SH3GL2: variants seen among roughly 807,000 people sequenced by gnomAD.
SH3GL2 encodes the protein endophilin-A1.
A neutral mutation model predicts 46.0 loss-of-function variants in SH3GL2; 24 were observed. That is an observed-to-expected ratio of 0.52 (90% CI 0.38 to 0.73). The LOEUF (loss-of-function observed/expected upper bound fraction) is 0.73. SH3GL2 is among the 30% of genes least tolerant of loss of function. SH3GL2 has a pLI of 0.00. For missense variants in SH3GL2, 413 were observed against 424.2 expected (o/e 0.97, Z 0.23); for synonymous variants, 196 against 147.1 (o/e 1.33, Z -2.40).
rs1201160750 is a variant in SH3GL2, at chr9:17,789,481, A to G, written c.555A>G (p.Gln185=). The change falls in exon 6 of 9, where the codon CAA becomes CAG. Residue 185 remains glutamine (Q), a synonymous_variant. Coordinates refer to ENST00000380607, the MANE Select transcript of SH3GL2 (RefSeq NM_003026.5). The part of the protein sequence containing the change: ...QGKIPDEELR[Q]ALEKFDESKE... ...AGATTCCGGATGAAGAGCTTCGTCA[A>G]GCTCTAGAGAAATTTGATGAGTCTA... The G allele has an allele frequency of 1.9e-6, 3 of 1,613,422 alleles. No individual in the cohort carries two copies. Among genetic ancestry groups the G allele is most frequent in the Non-Finnish European group, 2.5e-6 (3 of 1,179,610 alleles).
At chr9:17,685,796 C>A (rs1820889712) in intron 1 of SH3GL2, among the ~76,000 whole-genome samples, 1 of 151,940 alleles carries the variant, frequency 6.6e-6, no homozygotes, top group South Asian at 2.1e-4. Context: ...TGTTCTGTTC[C>A]ATTGATCTAT....
chr9:17,744,869 A>C (rs1482451889), intron 1 of SH3GL2, among the ~76,000 whole-genome samples: 2 of 152,126 alleles, frequency 1.3e-5, no homozygotes, highest in African/African-American at 4.8e-5. Flanking sequence ...AGTCAGCATC[A>C]CTCAGGGCAC....
intron 1 of SH3GL2, among the ~76,000 whole-genome samples, chr9:17,629,875 A>G (rs1486965848): frequency 6.6e-6 from 1 of 151,940 alleles, no homozygotes; most frequent in African/African-American, 2.4e-5. Context: ...TTCAGCAACT[A>G]TTTTTTTCTG....
intron 1 of SH3GL2, among the ~76,000 whole-genome samples, chr9:17,737,644 T>C (rs1340937272): frequency 1.3e-5 from 2 of 152,182 alleles, no homozygotes; most frequent in African/African-American, 2.4e-5. Flanking sequence ...TTGACTGTTA[T>C]GACCTCTTTC....
intron 1 of SH3GL2, among the ~76,000 whole-genome samples, chr9:17,592,438 A>T (rs1301329962): frequency 2.0e-5 from 3 of 152,224 alleles, no homozygotes; most frequent in Admixed American, 6.5e-5. Context: ...TTAATTTAAA[A>T]CTGAATCAGT....
At chr9:17,738,641 T>TATATATAGAGAGAG (rs376280314) in intron 1 of SH3GL2, among the ~76,000 whole-genome samples, 2,619 of 88,702 alleles carry the variant, frequency 0.03, 119 homozygotes, top group Middle Eastern at 0.053. Context: ...TATATATATA[T>TATATATAGAGAGAG]AGAGAGAGAG....
intron 1 of SH3GL2, among the ~76,000 whole-genome samples, chr9:17,712,100 A>AT (rs1402419894): frequency 1.3e-5 from 2 of 151,540 alleles, no homozygotes; most frequent in Non-Finnish European, 3.0e-5. Flanking sequence ...TTTTTTTGCT[A>AT]TTCCTATTTT....
chr9:17,681,211 A>G (rs1820757858), intron 1 of SH3GL2, among the ~76,000 whole-genome samples: 1 of 152,188 alleles, frequency 6.6e-6, no homozygotes, highest in Non-Finnish European at 1.5e-5. Context: ...GTTTAAGCAT[A>G]GAACTAAGTA....
intron 1 of SH3GL2, among the ~76,000 whole-genome samples, chr9:17,692,749 C>A (rs922920819): frequency 2.0e-5 from 3 of 152,036 alleles, no homozygotes; most frequent in Non-Finnish European, 4.4e-5. Flanking sequence ...TTGGTTTTCA[C>A]ACTGCTGATA....
At chr9:17,790,745 T>C (rs1182717221) in intron 6 of SH3GL2, among the ~76,000 whole-genome samples, 1 of 152,192 alleles carries the variant, frequency 6.6e-6, no homozygotes, top group Admixed American at 6.5e-5. Context: ...ACATTACAGA[T>C]GAGGCTCAGA....
Position 17,652,045 on chromosome 9 carries a change from G to T in SH3GL2, c.45+72758G>T, listed in dbSNP as rs184955960. On this transcript the variant is annotated intron_variant, in intron 1 of 8. Transcript: ENST00000380607. Reference sequence around the variant, plus strand: ...GTCTGAGTGATGAATTGATTGACTGGATTTTTTTTAGTTCATTGATTTCTG... The same window carrying T: ...GTCTGAGTGATGAATTGATTGACTGTATTTTTTTTAGTTCATTGATTTCTG... 1.3e-3 allele frequency among the ~76,000 whole-genome samples: 195 copies of T among 152,104 alleles called. 1 individual carries two copies. Among genetic ancestry groups the T allele is most frequent in the African/African-American group, 4.6e-3 (189 of 41,512 alleles).
intron 1 of SH3GL2, among the ~76,000 whole-genome samples, chr9:17,614,894 C>G (rs547099747): frequency 2.0e-5 from 3 of 152,202 alleles, no homozygotes. Flanking sequence ...AATCCCTTCA[C>G]AGACTCAAGT....
chr9:17,784,066 T>C (rs544706841), intron 3 of SH3GL2, among the ~76,000 whole-genome samples: 1 of 152,292 alleles, frequency 6.6e-6, no homozygotes, highest in South Asian at 2.1e-4. Context: ...ATTCTTAATA[T>C]GTAATAAATT....
intron 1 of SH3GL2, among the ~76,000 whole-genome samples, chr9:17,732,024 T>A (rs1053389302): frequency 3.9e-5 from 6 of 152,156 alleles, no homozygotes; most frequent in African/African-American, 1.4e-4. Context: ...GAAACAAGCA[T>A]ATAAAAAAGG....
At chr9:17,793,608 T>C (rs1588343203) in intron 8 of SH3GL2, 111 bp downstream of exon 8, 1 of 995,078 alleles carries the variant, frequency 1.0e-6, no homozygotes, top group East Asian at 2.7e-5. Context: ...TATGCAGTAA[T>C]ACATTTCTTA....
intron 3 of SH3GL2, among the ~76,000 whole-genome samples, chr9:17,775,414 A>G (rs1823614730): frequency 6.6e-6 from 1 of 152,180 alleles, no homozygotes. Flanking sequence ...TTCCATCTGT[A>G]AAATGGAGAA....
chr9:17,698,789 G>A lies in SH3GL2; in HGVS notation c.46-48277G>A, dbSNP rs541358148. 1.7e-3 allele frequency among the ~76,000 whole-genome samples: 257 copies of A among 152,294 alleles called. 1 individual carries two copies. Among genetic ancestry groups the A allele is most frequent in the Middle Eastern group, 0.014 (4 of 294 alleles). ...CAGATGTTTCTAACCTTGAAGGGAA[G>A]TAAGGTGTTTATTCATTTTTTTCTT... On this transcript the variant is annotated intron_variant, in intron 1 of 8. Transcript: ENST00000380607.
intron 2 of SH3GL2, among the ~76,000 whole-genome samples, chr9:17,755,414 G>C (rs1243045145): frequency 1.3e-5 from 2 of 152,158 alleles, no homozygotes; most frequent in Non-Finnish European, 1.5e-5. Flanking sequence ...ATTTGCATCA[G>C]TGTTCATCAA....
At chr9:17,593,965 A>G (rs564093697) in intron 1 of SH3GL2, among the ~76,000 whole-genome samples, 1 of 152,260 alleles carries the variant, frequency 6.6e-6, no homozygotes, top group Admixed American at 6.5e-5. Context: ...TCTCAGTTGC[A>G]CAGCTGAGGT....
Sources: gnomAD v4.1 joint callset for allele counts (sites outside exome capture counted in the v4.1 genomes callset) on GRCh38, gnomAD v4.1.1 for gene constraint, MANE v1.5 for transcripts, NCBI Gene and HGNC (gene_info 2026-07-23, HGNC 2026-07-21) for gene names.